Variants in ZNF197 observed in about 807,000 individuals in gnomAD.
ZNF197 encodes VHL-associated KRAB-A domain-containing protein.
A neutral mutation model predicts 27.4 loss-of-function variants in ZNF197; 14 were observed. That is an observed-to-expected ratio of 0.51 (90% CI 0.34 to 0.80). ZNF197 has a LOEUF of 0.80. Among genes scored for constraint, ZNF197 ranks in the 30% least tolerant of loss-of-function variants. ZNF197 has a pLI of 0.02. For missense variants in ZNF197, 1,090 were observed against 1,222.6 expected, an observed-to-expected ratio of 0.89 and a Z score of 1.62; for synonymous variants, 415 against 420.0, an observed-to-expected ratio of 0.99 and a Z score of 0.15.
chr3:44,626,651 T>A (rs1485531925), intron 1 of ZNF197, among the ~76,000 whole-genome samples: 1 of 152,198 alleles, frequency 6.6e-6, no homozygotes, highest in Non-Finnish European at 1.5e-5. Context: ...AAGTCAAAAA[T>A]TTGGCGAAGA....
At chr3:44,630,228 ATAAAT>A (rs1458892997) in intron 2 of ZNF197, among the ~76,000 whole-genome samples, 1 of 152,176 alleles carries the variant, frequency 6.6e-6, no homozygotes, top group Non-Finnish European at 1.5e-5. Flanking sequence ...AAATAAATAA[ATAAAT>A]AAAATGGCAG....
intron 1 of ZNF197, 95 bp from the exon 2 acceptor site, chr3:44,628,979 T>G: frequency 1.1e-6 from 1 of 883,116 alleles, no homozygotes; most frequent in Non-Finnish European, 1.7e-6. Flanking sequence ...AAGGTTCTCT[T>G]TATTACTGGG....
Position 44,646,282 on chromosome 3 carries a change from G to A in ZNF197, c.*2062G>A. 6.1e-6 allele frequency: 6 copies of A among 985,242 alleles called. No individual in the cohort carries two copies. Among genetic ancestry groups the A allele is most frequent in the Non-Finnish European group, 7.2e-6 (6 of 829,820 alleles). The allele number at this position is 985,242 out of a possible 1,614,324, so 61.0% of individuals were successfully genotyped here. On this transcript the variant is annotated 3_prime_UTR_variant, in exon 6 of 6. Coordinates refer to ENST00000344387, the MANE Select transcript of ZNF197 (RefSeq NM_006991.5). ...ATGAATATAAAAATGTTTCATCCAG[G>A]TTGTTGAATCATCCCAGCTTATATA...
At position 44,630,988 on chromosome 3, in the gene ZNF197, A is replaced by G. The variant is rs778818813; in HGVS notation, c.391-74A>G. 2.4e-5 allele frequency: 39 copies of G among 1,594,398 alleles called. No individual in the cohort carries two copies. In the Admixed American group the frequency reaches 6.0e-4, roughly 25 times the overall value. On this transcript the variant is annotated intron_variant, in intron 2 of 5. Coordinates refer to ENST00000344387, the MANE Select transcript of ZNF197 (RefSeq NM_006991.5). ...TCACAGTTGTAGATTGTGGGCAGAA[A>G]GAGGTCCACAGTGCTTAGGTGAGTC... is the stretch of plus-strand genomic sequence containing the variant.
Position 44,646,829 on chromosome 3 carries a change from A to C in ZNF197, c.*2609A>C, listed in dbSNP as rs546334845. On this transcript the variant is annotated 3_prime_UTR_variant, in exon 6 of 6. Transcript: ENST00000344387. ...TGGCCAATTGATTTTTGACAGGGGC[A>C]AAAGCAATTCAATGGAGGAGGGATC... The C allele has an allele frequency of 3.3e-5, 11 of 328,648 alleles. No individual in the cohort carries two copies. The highest frequency in any genetic ancestry group is 1.4e-4 in the Admixed American group (3 of 21,730). 20.4% of individuals were successfully genotyped at this position (328,648 alleles called of 1,614,324 possible).
chr3:44,625,502 G>A (rs1261172075), intron 1 of ZNF197, among the ~76,000 whole-genome samples: 2 of 152,180 alleles, frequency 1.3e-5, no homozygotes, highest in African/African-American at 4.8e-5. Context: ...GAAACATTCT[G>A]AGGTTTCCCT....
At chr3:44,629,021 G>C (rs1274461376) in intron 1 of ZNF197, 53 bp from the exon 2 acceptor site, 2 of 1,368,648 alleles carry the variant, frequency 1.5e-6, no homozygotes, top group African/African-American at 1.5e-5. Context: ...GGCCTGGAAA[G>C]CTCAGTTGTT....
In ZNF197 at chr3:44,647,720, TATTC is replaced by T. The variant is rs1216922363; in HGVS notation, c.*3503_*3506del. On this transcript the variant is annotated 3_prime_UTR_variant, in exon 6 of 6. Transcript: ENST00000344387. ...CAAAAGGCCATATTCTGTATGAAAA[TATTC>T]ATATAACATTCTCAAAATGATAAAA... 6.6e-6 allele frequency: 1 copy of T among 152,180 alleles called. No homozygotes were observed. Among genetic ancestry groups the T allele is most frequent in the African/African-American group, 2.4e-5 (1 of 41,444 alleles). The allele number at this position is 152,180 out of a possible 1,614,324, so 9.4% of individuals were successfully genotyped here. A position where few individuals can be genotyped will look rare whatever the true frequency, so the allele number is the denominator to read the frequency against.
chr3:44,632,401 C>T lies in ZNF197; in HGVS notation c.643-72C>T. The stretch of plus-strand genomic sequence containing the variant: ...ATGGCCTCACAGTGTATCCCTTCCC[C>T]AGAAGTGAAGGGAACCTTTCGACAG... On this transcript the variant is annotated intron_variant, in intron 4 of 5. Coordinates refer to ENST00000344387, the MANE Select transcript of ZNF197 (RefSeq NM_006991.5). The T allele has an allele frequency of 4.6e-6, 7 of 1,534,598 alleles. 1 individual carries two copies. Among genetic ancestry groups the T allele is most frequent in the South Asian group, 2.6e-5 (2 of 77,870 alleles).
intron 2 of ZNF197, 64 bp from the exon 3 acceptor site, chr3:44,630,998 A>G (rs1157199096): frequency 3.7e-6 from 6 of 1,608,086 alleles, no homozygotes; most frequent in Non-Finnish European, 4.3e-6. Flanking sequence ...AGAGGTCCAC[A>G]GTGCTTAGGT....
chr3:44,646,048 C>T lies in ZNF197; in HGVS notation c.*1828C>T. 1.0e-6 allele frequency: 1 copy of T among 985,260 alleles called. No individual in the cohort carries two copies. The highest frequency in any genetic ancestry group is 1.2e-6 in the Non-Finnish European group (1 of 829,924). The allele number at this position is 985,260 out of a possible 1,614,324, so 61.0% of individuals were successfully genotyped here. A position where few individuals can be genotyped will look rare whatever the true frequency, so the allele number is the denominator to read the frequency against. Reference sequence around the variant, plus strand: ...CATAAATGTTATTAATTCAACCCCACAGTTTCTTGGGGGCTGGTTCCTCAT... The same window carrying T: ...CATAAATGTTATTAATTCAACCCCATAGTTTCTTGGGGGCTGGTTCCTCAT... On this transcript the variant is annotated 3_prime_UTR_variant, in exon 6 of 6. Coordinates refer to ENST00000344387, the MANE Select transcript of ZNF197 (RefSeq NM_006991.5).
At chr3:44,639,997 G>A (rs964801428) in intron 5 of ZNF197, among the ~76,000 whole-genome samples, 4 of 152,162 alleles carry the variant, frequency 2.6e-5, no homozygotes, top group Admixed American at 6.5e-5. Context: ...TTTACCTATC[G>A]GAAAGATCAT....
In ZNF197 at chr3:44,645,984, T is replaced by C. The variant is rs1702933330; in HGVS notation, c.*1764T>C. On this transcript the variant is annotated 3_prime_UTR_variant, in exon 6 of 6. Transcript: ENST00000344387. ...TATGAATAATACCTGAATATGAAGA[T>C]TGTGTTTTTTAATAATGTCAAAGTG... The C allele has an allele frequency of 6.1e-6, 6 of 985,318 alleles. No individual in the cohort carries two copies. The South Asian group carries it at 2.8e-4, about 46-fold the overall frequency. The allele number at this position is 985,318 out of a possible 1,614,324, so 61.0% of individuals were successfully genotyped here. A position where few individuals can be genotyped will look rare whatever the true frequency, so the allele number is the denominator to read the frequency against.
Position 44,646,373 on chromosome 3 carries a change from A to T in ZNF197, c.*2153A>T. ...CTGTGATTTACCTCTTCACCGAGTA[A>T]CAAAATGTCACATTGCTTAGATTGA... is the stretch of plus-strand genomic sequence containing the variant. On this transcript the variant is annotated 3_prime_UTR_variant, in exon 6 of 6. Transcript: ENST00000344387. The T allele has an allele frequency of 6.4e-7, 1 of 1,561,940 alleles. No homozygotes were observed. Among genetic ancestry groups the T allele is most frequent in the African/African-American group, 1.4e-5 (1 of 73,078 alleles).
rs557549178 is a variant in ZNF197, at chr3:44,632,557, T to C, written c.727T>C (p.Trp243Arg). The C allele has an allele frequency of 1.2e-6, 2 of 1,600,196 alleles. No homozygotes were observed. Among genetic ancestry groups the C allele is most frequent in the East Asian group, 4.5e-5 (2 of 44,608 alleles). ...CLGPIQRALY[W>R]DVMLENYGNV... The stretch of plus-strand genomic sequence containing the variant: ...GGGCCCAATCCAGAGGGCCTTGTAC[T>C]GGGATGTGATGCTGGAGAATTATGG... The change falls in exon 5 of 6, where the codon TGG becomes CGG. Residue 243 changes from tryptophan to arginine, a missense_variant. Trp to Arg is a moderately radical substitution (Grantham distance 101). Transcript: ENST00000344387.
intron 5 of ZNF197, among the ~76,000 whole-genome samples, chr3:44,638,816 T>C (rs1173364722): frequency 6.6e-6 from 1 of 152,212 alleles, no homozygotes; most frequent in African/African-American, 2.4e-5. Context: ...AATCCTGTTA[T>C]CTCAGCCTCC....
rs1275239523 is a variant in ZNF197 at position 44,645,263 on chromosome 3, G to A, written c.*1043G>A. 2 of 985,088 alleles carry A rather than the reference G, an allele frequency of 2.0e-6. No homozygotes were observed. Among genetic ancestry groups the A allele is most frequent in the African/African-American group, 1.8e-5 (1 of 57,036 alleles). 61.0% of individuals were successfully genotyped at this position (985,088 alleles called of 1,614,324 possible). A position where few individuals can be genotyped will look rare whatever the true frequency, so the allele number is the denominator to read the frequency against. Reference sequence around the variant, plus strand: ...CAGTTGTCAATAAAGTTGGATAAAAGAGGTTATGGTAAAAGTTTAGAACAT... The same window carrying A: ...CAGTTGTCAATAAAGTTGGATAAAAAAGGTTATGGTAAAAGTTTAGAACAT... On this transcript the variant is annotated 3_prime_UTR_variant, in exon 6 of 6. Transcript: ENST00000344387.
rs1701828394 is a variant in ZNF197 at position 44,629,084 on chromosome 3, C to G, written c.-71C>G. 2 of 1,525,620 alleles carry G rather than the reference C, an allele frequency of 1.3e-6. No individual in the cohort carries two copies. The highest frequency in any genetic ancestry group is 4.4e-5 in the Admixed American group (2 of 45,202). 94.5% of individuals were successfully genotyped at this position (1,525,620 alleles called of 1,614,324 possible). A position where few individuals can be genotyped will look rare whatever the true frequency, so the allele number is the denominator to read the frequency against. ...CTTGAGGTCTTGTAGATGATACTCT[C>G]CAAGCTGTAAGGAAGAAGTCAAGGA... On this transcript the variant is annotated 5_prime_UTR_variant, in exon 2 of 6. Coordinates refer to ENST00000344387, the MANE Select transcript of ZNF197 (RefSeq NM_006991.5).
intron 5 of ZNF197, among the ~76,000 whole-genome samples, chr3:44,636,027 C>T (rs971506959): frequency 3.9e-5 from 6 of 152,036 alleles, no homozygotes; most frequent in East Asian, 1.9e-4. Flanking sequence ...CATTTTCGGC[C>T]GGCATGGTGG....
Sources: allele counts gnomAD v4.1 joint callset (sites outside exome capture counted in the v4.1 genomes callset), GRCh38; gene constraint gnomAD v4.1.1; transcripts MANE v1.5; gene names NCBI Gene and HGNC (gene_info 2026-07-23, HGNC 2026-07-21).